TLK2: variants seen among roughly 807,000 people sequenced by gnomAD.
TLK2 encodes tousled like kinase 2.
In TLK2, 6 loss-of-function variants were observed where a neutral mutation model predicts 117.3. That is an observed-to-expected ratio of 0.05 (90% confidence interval 0.03 to 0.10). The LOEUF (loss-of-function observed/expected upper bound fraction) is 0.10. Among genes scored for constraint, TLK2 ranks in the 10% least tolerant of loss-of-function variants. The probability of loss-of-function intolerance (pLI) is 1.00; values close to 1 mark genes in which losing one functional copy is unlikely to be tolerated. For synonymous variants in TLK2, 257 were observed against 316.7 expected (o/e 0.81, Z 2.00); for missense variants, 299 against 901.2 (o/e 0.33, Z 8.56).
chr17:62,584,728 T>C (rs549879252), intron 15 of TLK2, among the ~76,000 whole-genome samples: 52 of 152,240 alleles, frequency 3.4e-4, no homozygotes, highest in Non-Finnish European at 7.1e-4. Context: ...TTTTATACTT[T>C]AAACATACTG....
In TLK2 at chr17:62,478,884, A is replaced by T. The variant is rs2071245513; in HGVS notation, c.-412A>T. 1 of 151,024 alleles carries T rather than the reference A, an allele frequency of 6.6e-6. No individual in the cohort carries two copies. Among genetic ancestry groups the T allele is most frequent in the Admixed American group, 6.6e-5 (1 of 15,168 alleles). The allele number at this position is 151,024 out of a possible 1,614,324, so 9.4% of individuals were successfully genotyped here. A position where few individuals can be genotyped will look rare whatever the true frequency, so the allele number is the denominator to read the frequency against. ...GGGCCGGAGGCGGGTCCTGGGCACC[A>T]GCGGTTCCGACCCCCCCGCCCTCCG... On this transcript the variant is annotated 5_prime_UTR_variant, in exon 1 of 22. Coordinates refer to ENST00000346027, the MANE Select transcript of TLK2 (RefSeq NM_006852.6).
chr17:62,560,371 A>G (rs948826018), intron 10 of TLK2: 2 of 225,870 alleles, frequency 8.9e-6, no homozygotes, highest in Non-Finnish European at 1.8e-5. Flanking sequence ...AGCTTGTCCT[A>G]GTTGAGTTTA....
intron 2 of TLK2, among the ~76,000 whole-genome samples, chr17:62,518,087 A>G (rs1195051469): frequency 6.6e-6 from 1 of 152,182 alleles, no homozygotes; most frequent in Non-Finnish European, 1.5e-5. Context: ...TAGCCCATTT[A>G]TGCTTAGTGT....
chr17:62,590,516 A>C (rs1340544556), intron 16 of TLK2, among the ~76,000 whole-genome samples: 3 of 152,252 alleles, frequency 2.0e-5, no homozygotes, highest in Non-Finnish European at 4.4e-5. Context: ...TTAAAAATGC[A>C]AGTGTGCTGG....
intron 16 of TLK2, among the ~76,000 whole-genome samples, chr17:62,591,892 A>G (rs1490870639): frequency 3.9e-5 from 6 of 152,052 alleles, no homozygotes; most frequent in Non-Finnish European, 7.4e-5. Context: ...TCCTAAGCCA[A>G]ATAGTGCTGA....
exon 1 of TLK2, chr17:62,471,015 C>A (rs559223495): frequency 1.3e-5 from 2 of 152,450 alleles, no homozygotes; most frequent in African/African-American, 4.8e-5. Flanking sequence ...CTGCCAAGCA[C>A]CAGGCTCTGT....
intron 10 of TLK2, among the ~76,000 whole-genome samples, chr17:62,562,491 A>G (rs1342203741): frequency 6.6e-6 from 1 of 152,236 alleles, no homozygotes; most frequent in Non-Finnish European, 1.5e-5. Context: ...AATGAGCAAG[A>G]GACTTGAACA....
chr17:62,579,130 A>C (rs1464002049), intron 14 of TLK2, among the ~76,000 whole-genome samples: 1 of 152,164 alleles, frequency 6.6e-6, no homozygotes, highest in Non-Finnish European at 1.5e-5. Context: ...TTGGACCCTG[A>C]AACATTTTTT....
chr17:62,591,259 GAGAA>G (rs886367096), intron 16 of TLK2, among the ~76,000 whole-genome samples: 4 of 151,728 alleles, frequency 2.6e-5, no homozygotes, highest in African/African-American at 4.8e-5. Flanking sequence ...AAAAAGAAAA[GAGAA>G]AGAAAATCTG....
intron 20 of TLK2, among the ~76,000 whole-genome samples, 155 bp downstream of exon 20, chr17:62,606,396 A>T (rs1278281526): frequency 6.6e-6 from 1 of 152,246 alleles, no homozygotes; most frequent in Non-Finnish European, 1.5e-5. Context: ...CAGACTTAAT[A>T]ATACAAGCCT....
At chr17:62,507,364 A>G (rs538346015) in intron 2 of TLK2, 9 of 152,282 alleles carry the variant, frequency 5.9e-5, no homozygotes, top group East Asian at 1.9e-4. Flanking sequence ...CAGATTTCAC[A>G]TCTGTTTCAC....
At chr17:62,572,821 A>G (rs1258090803) in intron 11 of TLK2, 4 of 154,128 alleles carry the variant, frequency 2.6e-5, no homozygotes, top group Non-Finnish European at 5.8e-5. Context: ...AAAGAAAAAT[A>G]AAATAGAACT....
intron 15 of TLK2, among the ~76,000 whole-genome samples, chr17:62,585,024 G>A (rs1226393781): frequency 1.3e-5 from 2 of 152,160 alleles, no homozygotes; most frequent in East Asian, 3.8e-4. Flanking sequence ...CTTTTGTTTG[G>A]AGGGAAATCT....
At chr17:62,582,222 C>T (rs891809972) in intron 15 of TLK2, among the ~76,000 whole-genome samples, 7 of 151,990 alleles carry the variant, frequency 4.6e-5, no homozygotes, top group Non-Finnish European at 2.9e-5. Context: ...TTTAATTTTT[C>T]TAGGAAATCT....
chr17:62,596,197 T>A (rs2082468136), intron 16 of TLK2, among the ~76,000 whole-genome samples: 2 of 152,142 alleles, frequency 1.3e-5, no homozygotes, highest in Non-Finnish European at 2.9e-5. Flanking sequence ...TACCTCAGCC[T>A]CCCGAGTAGC....
chr17:62,487,221 G>A (rs1375241356), intron 2 of TLK2, among the ~76,000 whole-genome samples: 1 of 151,856 alleles, frequency 6.6e-6, no homozygotes, highest in African/African-American at 2.4e-5. Flanking sequence ...GAACCAGGGA[G>A]TCGGAGGTTG....
chr17:62,559,187 G>A (rs921197826), intron 9 of TLK2, among the ~76,000 whole-genome samples: 1 of 152,070 alleles, frequency 6.6e-6, no homozygotes, highest in African/African-American at 2.4e-5. Flanking sequence ...GAACCAGGAC[G>A]TTGTTTGTTT....
At chr17:62,603,354 G>T (rs2083016025) in intron 19 of TLK2, among the ~76,000 whole-genome samples, 1 of 152,162 alleles carries the variant, frequency 6.6e-6, no homozygotes, top group African/African-American at 2.4e-5. Context: ...TGAAATTACA[G>T]ATTTAAAATA....
chr17:62,538,638 C>G (rs2077285799), intron 7 of TLK2, among the ~76,000 whole-genome samples: 1 of 152,168 alleles, frequency 6.6e-6, no homozygotes, highest in Non-Finnish European at 1.5e-5. Context: ...CTGACGCACT[C>G]CGTTATCAGA....
Sources: gnomAD v4.1 joint callset for allele counts (sites outside exome capture counted in the v4.1 genomes callset) on GRCh38, gnomAD v4.1.1 for gene constraint, MANE v1.5 for transcripts, NCBI Gene and HGNC (gene_info 2026-07-23, HGNC 2026-07-21) for gene names.